C10orf53: variants seen among roughly 807,000 people sequenced by gnomAD.
C10orf53 encodes UPF0728 protein C10orf53.
A neutral mutation model predicts 9.4 loss-of-function variants in C10orf53; 8 were observed. The ratio of observed to expected loss-of-function variants is 0.85; its 90% CI spans 0.50 to 1.53. The LOEUF (loss-of-function observed/expected upper bound fraction) is 1.53. C10orf53 is among the 40% of genes most tolerant of loss of function. The pLI, the probability that C10orf53 is intolerant of heterozygous loss-of-function variation, is 0.00. For synonymous variants in C10orf53, 48 were observed against 46.0 expected, an observed-to-expected ratio of 1.04 and a Z score of -0.18; for missense variants, 117 against 117.8, an observed-to-expected ratio of 0.99 and a Z score of 0.03.
At chr10:49,703,897 T>C (rs1840704649) in intron 2 of C10orf53, among the ~76,000 whole-genome samples, 1 of 152,156 alleles carries the variant, frequency 6.6e-6, no homozygotes, top group South Asian at 2.1e-4. Flanking sequence ...AATCGAAATC[T>C]AAAAATTGAC....
chr10:49,709,589 T>C (rs1840748023), exon 3 of C10orf53: 1 of 152,372 alleles, frequency 6.6e-6, no homozygotes, highest in African/African-American at 2.4e-5. Context: ...ACCAGCTCTG[T>C]TGCTCACAGC....
chr10:49,706,440 A>G (rs1840722957), intron 2 of C10orf53, among the ~76,000 whole-genome samples: 2 of 152,238 alleles, frequency 1.3e-5, no homozygotes, highest in Non-Finnish European at 2.9e-5. Context: ...TACAACAGGC[A>G]TGAACCTTGA....
chr10:49,701,283 CA>C (rs1840680987), downstream of C10orf53, among the ~76,000 whole-genome samples: 1 of 152,230 alleles, frequency 6.6e-6, no homozygotes, highest in East Asian at 1.9e-4. Context: ...CTGAAATGGT[CA>C]CCTGGAGAGG....
downstream of C10orf53, among the ~76,000 whole-genome samples, chr10:49,698,789 C>T (rs12253923): frequency 0.044 from 6,644 of 152,130 alleles, 499 homozygotes; most frequent in African/African-American, 0.15. Flanking sequence ...ACTCATAGGA[C>T]GGGGCACTGC....
chr10:49,687,653 C>T (rs1840541516), intron 1 of C10orf53, among the ~76,000 whole-genome samples: 2 of 152,220 alleles, frequency 1.3e-5, no homozygotes, highest in South Asian at 2.1e-4. Flanking sequence ...GTAATTAACT[C>T]CATGCGTACA....
chr10:49,697,155 T>A lies in C10orf53; in HGVS notation c.*2553T>A, dbSNP rs938571094. ...CTGCAGCGAACCTAGATCACGCCAC[T>A]GCACTCCAGCCTGGGTGACAAAGTG... On this transcript the variant is annotated 3_prime_UTR_variant, in exon 3 of 3. Coordinates refer to ENST00000374111, the MANE Select transcript of C10orf53 (RefSeq NM_001042427.3). Among the ~76,000 whole-genome samples the A allele has an allele frequency of 6.6e-6, 1 of 152,162 alleles. No homozygotes were observed. Among genetic ancestry groups the A allele is most frequent in the South Asian group, 2.1e-4 (1 of 4,818 alleles).
intron 1 of C10orf53, among the ~76,000 whole-genome samples, chr10:49,686,668 C>T (rs573103357): frequency 6.6e-5 from 10 of 152,252 alleles, no homozygotes; most frequent in Admixed American, 1.3e-4. Context: ...GACTGAAATA[C>T]GCCCTGGTCT....
intron 1 of C10orf53, among the ~76,000 whole-genome samples, chr10:49,686,753 C>G (rs544278703): frequency 6.6e-6 from 1 of 152,306 alleles, no homozygotes; most frequent in Admixed American, 6.5e-5. Context: ...GTTGTCTGCT[C>G]TCGAACCCTG....
At chr10:49,690,357 C>T (rs1397852393) in intron 1 of C10orf53, among the ~76,000 whole-genome samples, 3 of 152,172 alleles carry the variant, frequency 2.0e-5, no homozygotes, top group Admixed American at 2.0e-4. Context: ...ACTTTAGATC[C>T]AGCACTCACC....
At chr10:49,708,646 G>A (rs1197720863) in exon 3 of C10orf53, 8 of 1,607,132 alleles carry the variant, frequency 5.0e-6, no homozygotes, top group East Asian at 2.2e-5. Flanking sequence ...TGGGAAAGGG[G>A]TTCATTTCAC....
intron 2 of C10orf53, chr10:49,694,301 C>T: frequency 1.6e-6 from 1 of 614,850 alleles, no homozygotes; most frequent in East Asian, 2.8e-5. Context: ...CAGTGCATGA[C>T]ACTATCAGCA....
At position 49,708,227 on chromosome 10, in the gene C10orf53, T is replaced by C. The variant is rs186039993; in HGVS notation, c.218-134T>C. On this transcript the variant is annotated intron_variant, in intron 2 of 2. Transcript: ENST00000374112. Reference sequence around the variant, plus strand: ...GCCAGCTGCAATTGGCTTAAGAATATAGGAAATATATTGGTTTGTATACCT... The same window carrying C: ...GCCAGCTGCAATTGGCTTAAGAATACAGGAAATATATTGGTTTGTATACCT... 317 of 1,368,650 alleles carry C rather than the reference T, an allele frequency of 2.3e-4. 1 individual carries two copies. Among genetic ancestry groups the C allele is most frequent in the African/African-American group, 1.2e-3 (81 of 68,474 alleles). The allele number at this position is 1,368,650 out of a possible 1,614,324, so 84.8% of individuals were successfully genotyped here.
In C10orf53 at chr10:49,706,065, A is replaced by G. The variant is rs556573403; in HGVS notation, c.218-2296A>G. On this transcript the variant is annotated intron_variant, in intron 2 of 2. Coordinates refer to the C10orf53 transcript ENST00000374112. ...AACCCACAATGACATACAATTTCGCACCCACAAAGATGGGTTCTAGCAAAT... is the reference window on the plus strand; with the variant it reads ...AACCCACAATGACATACAATTTCGCGCCCACAAAGATGGGTTCTAGCAAAT... Among the ~76,000 whole-genome samples the G allele has an allele frequency of 8.5e-5, 13 of 152,182 alleles. No homozygotes were observed. The East Asian group carries it at 2.5e-3, about 29-fold the overall frequency.
In C10orf53 at chr10:49,694,572, G is replaced by A. The variant is rs7069935; in HGVS notation, c.252G>A (p.Lys84=). The change falls in exon 3 of 3, where the codon AAG becomes AAA. Residue 84 remains lysine (K), a synonymous_variant. Coordinates refer to ENST00000374111, the MANE Select transcript of C10orf53 (RefSeq NM_001042427.3). Reference sequence around the variant, plus strand: ...GTAAACTAGACCCACTGTGTGAAAAGGCCAGGATAGCCGTGCTGAATGCCT... The same window carrying A: ...GTAAACTAGACCCACTGTGTGAAAAAGCCAGGATAGCCGTGCTGAATGCCT... ...GDGKLDPLCE[K]ARIAVLNAY is the part of the protein sequence containing the mutation. The A allele has an allele frequency of 4.5e-3, 7,199 of 1,614,198 alleles. 193 individuals are homozygous for A. In the African/African-American group the frequency reaches 0.071, roughly 16 times the overall value.
intron 1 of C10orf53, among the ~76,000 whole-genome samples, chr10:49,688,752 G>A (rs746888103): frequency 5.3e-5 from 8 of 151,944 alleles, no homozygotes; most frequent in African/African-American, 7.3e-5. Flanking sequence ...CAGCCGCTCC[G>A]CCTGGAACGC....
At chr10:49,689,262 G>T (rs1840559199) in intron 1 of C10orf53, among the ~76,000 whole-genome samples, 1 of 152,104 alleles carries the variant, frequency 6.6e-6, no homozygotes, top group Admixed American at 6.5e-5. Flanking sequence ...AGGGAGGAGA[G>T]AACTGGAGGC....
chr10:49,680,783 G>A (rs1354094862), intron 1 of C10orf53, among the ~76,000 whole-genome samples: 2 of 152,196 alleles, frequency 1.3e-5, no homozygotes, highest in South Asian at 2.1e-4. Flanking sequence ...GAGGATGGAG[G>A]TGGGAGGTAA....
chr10:49,698,054 G>A (rs1172879536), downstream of C10orf53, among the ~76,000 whole-genome samples: 1 of 152,198 alleles, frequency 6.6e-6, no homozygotes, highest in Non-Finnish European at 1.5e-5. Flanking sequence ...GTTTTGGGAA[G>A]CCAAGAAAGG....
intron 1 of C10orf53, among the ~76,000 whole-genome samples, chr10:49,693,063 T>TTA: frequency 6.6e-6 from 1 of 152,302 alleles, no homozygotes; most frequent in African/African-American, 2.4e-5. Flanking sequence ...TAAACATGTA[T>TTA]TATATATATT....
Sources: gnomAD v4.1 joint callset for allele counts (sites outside exome capture counted in the v4.1 genomes callset) on GRCh38, gnomAD v4.1.1 for gene constraint, MANE v1.5 for transcripts, NCBI Gene and HGNC (gene_info 2026-07-23, HGNC 2026-07-21) for gene names.